CCDC93: variants seen among roughly 807,000 people sequenced by gnomAD.
CCDC93 encodes CCC complex scaffolding subunit CCDC93.
Under a neutral mutation model 108.2 loss-of-function variants are expected in CCDC93, and 61 were observed. The ratio of observed to expected loss-of-function variants is 0.56; its 90% CI spans 0.46 to 0.70. The LOEUF (loss-of-function observed/expected upper bound fraction) is 0.70. Among genes scored for constraint, CCDC93 ranks in the 30% least tolerant of loss-of-function variants. The probability of loss-of-function intolerance (pLI) is 0.00; values close to 1 mark genes in which losing one functional copy is unlikely to be tolerated. For missense variants in CCDC93, 685 were observed against 764.2 expected, an observed-to-expected ratio of 0.90 and a Z score of 1.22; for synonymous variants, 276 against 260.4, an observed-to-expected ratio of 1.06 and a Z score of -0.58.
At chr2:117,927,471 A>C (rs1558767301) in intron 23 of CCDC93, among the ~76,000 whole-genome samples, 1 of 152,094 alleles carries the variant, frequency 6.6e-6, no homozygotes, top group East Asian at 1.9e-4. Flanking sequence ...ATACACCAAT[A>C]ACAGACAGAG....
intron 19 of CCDC93, among the ~76,000 whole-genome samples, chr2:117,940,618 A>T (rs1386305649): frequency 6.6e-6 from 1 of 152,186 alleles, no homozygotes; most frequent in Non-Finnish European, 1.5e-5. Flanking sequence ...GGGGACTTGG[A>T]GGCACTGCAG....
At chr2:117,936,761 C>T (rs769937576) in intron 20 of CCDC93, 22 bp from the exon 21 acceptor site, 11 of 1,607,766 alleles carry the variant, frequency 6.8e-6, no homozygotes, top group Middle Eastern at 3.3e-4. Context: ...AAAAAACAAA[C>T]GAAATTATAA....
intron 13 of CCDC93, chr2:117,950,733 C>A (rs1679026936): frequency 2.0e-6 from 2 of 985,450 alleles, no homozygotes; most frequent in African/African-American, 1.7e-5. Context: ...AATCAAGCTT[C>A]TTCAGAAGTT....
chr2:117,931,231 T>A, intron 22 of CCDC93, 81 bp from the exon 23 acceptor site: 1 of 870,082 alleles, frequency 1.1e-6, no homozygotes, highest in Non-Finnish European at 1.9e-6. Flanking sequence ...AGGCAACAGT[T>A]GTTAACAGTT....
chr2:117,983,659 T>A (rs1382339633), intron 7 of CCDC93, among the ~76,000 whole-genome samples: 1 of 16,782 alleles, frequency 6.0e-5, no homozygotes, highest in Admixed American at 5.0e-4. Context: ...TATATATATA[T>A]ATATATATAT....
At chr2:117,930,917 CTT>C (rs2104713788) in intron 23 of CCDC93, 118 bp downstream of exon 23, 1 of 640,740 alleles carries the variant, frequency 1.6e-6, no homozygotes, top group South Asian at 2.1e-5. Flanking sequence ...CACACTCTGT[CTT>C]GTTATTTCCC....
In CCDC93 at chr2:117,952,573, A is replaced by C. The variant is rs1679091775; in HGVS notation, c.1006-138T>G. 6.1e-6 allele frequency: 4 copies of C among 658,210 alleles called. No homozygotes were observed. The Middle Eastern group carries it at 1.4e-3, about 223-fold the overall frequency. The allele number at this position is 658,210 out of a possible 1,614,324, so 40.8% of individuals were successfully genotyped here. A position where few individuals can be genotyped will look rare whatever the true frequency, so the allele number is the denominator to read the frequency against. The stretch of plus-strand genomic sequence containing the variant: ...TGAAAATTTTAAAAGGGTTGCCAAC[A>C]ACAAATGAAGAAAAAAACCTCATAT... On this transcript the variant is annotated intron_variant, in intron 12 of 23. Coordinates refer to ENST00000376300, the MANE Select transcript of CCDC93 (RefSeq NM_019044.5).
rs34197714 is a variant in CCDC93, at chr2:117,921,176, CA to C, written c.1843-781del. Reference sequence around the variant, plus strand: ...TGGGTGACAGAGCAAGGCTCTGTCTCAAAAAAAAAAAAAAAAAAAGATAACC... The same window carrying C: ...TGGGTGACAGAGCAAGGCTCTGTCTCAAAAAAAAAAAAAAAAAAGATAACC... On this transcript the variant is annotated intron_variant, in intron 23 of 23. Coordinates refer to ENST00000376300, the MANE Select transcript of CCDC93 (RefSeq NM_019044.5). Among the ~76,000 whole-genome samples the C allele has an allele frequency of 6.5e-3, 496 of 76,034 alleles. 1 individual carries two copies. The highest frequency in any genetic ancestry group is 0.02 in the African/African-American group (375 of 19,052). The allele number at this position is 76,034 out of a possible 152,430, so 49.9% of individuals were successfully genotyped here. A position where few individuals can be genotyped will look rare whatever the true frequency, so the allele number is the denominator to read the frequency against.
At position 117,977,893 on chromosome 2, in the gene CCDC93, T is replaced by C. The variant is rs1055413108; in HGVS notation, c.657+101A>G. ...AAAGGCAGCTCACACATCCCTGGGTTTCCCAAGAAGCTGCTGCCCGGCTTG... is the reference window on the plus strand; with the variant it reads ...AAAGGCAGCTCACACATCCCTGGGTCTCCCAAGAAGCTGCTGCCCGGCTTG... On this transcript the variant is annotated intron_variant, in intron 8 of 23. Transcript: ENST00000376300. 20 of 1,111,576 alleles carry C rather than the reference T, an allele frequency of 1.8e-5. No homozygotes were observed. The Admixed American group carries it at 3.4e-4, about 19-fold the overall frequency. 68.9% of individuals were successfully genotyped at this position (1,111,576 alleles called of 1,614,324 possible).
intron 4 of CCDC93, chr2:117,997,931 TGA>T (rs1289720255): frequency 6.6e-6 from 1 of 152,244 alleles, no homozygotes; most frequent in Non-Finnish European, 1.5e-5. Flanking sequence ...AGATCTACCC[TGA>T]GTTACAGCCT....
chr2:117,984,823 T>C (rs1398346697), intron 7 of CCDC93, among the ~76,000 whole-genome samples: 1 of 152,168 alleles, frequency 6.6e-6, no homozygotes, highest in Admixed American at 6.6e-5. Flanking sequence ...ACAGACTCTG[T>C]CATGATTCCC....
At chr2:118,008,931 T>C in intron 1 of CCDC93, 1 of 308,088 alleles carries the variant, frequency 3.2e-6, no homozygotes, top group Non-Finnish European at 6.0e-6. Context: ...CATCACATGC[T>C]GAAGGAATCC....
intron 11 of CCDC93, among the ~76,000 whole-genome samples, chr2:117,965,412 T>C (rs1280044905): frequency 1.3e-5 from 2 of 152,198 alleles, no homozygotes; most frequent in East Asian, 3.9e-4. Flanking sequence ...GCTGCTAAGC[T>C]TCCTGTTACT....
At chr2:117,981,212 T>C (rs955207570) in intron 7 of CCDC93, among the ~76,000 whole-genome samples, 1 of 152,210 alleles carries the variant, frequency 6.6e-6, no homozygotes, top group East Asian at 1.9e-4. Context: ...TACAGCTTCA[T>C]TCACTTCAAT....
chr2:117,966,038 A>G (rs1227629176), intron 11 of CCDC93, among the ~76,000 whole-genome samples: 2 of 152,268 alleles, frequency 1.3e-5, no homozygotes, highest in Non-Finnish European at 2.9e-5. Context: ...GACAAACGAT[A>G]TATTAACAAT....
At chr2:117,974,514 C>A (rs973799665) in intron 10 of CCDC93, among the ~76,000 whole-genome samples, 6 of 152,138 alleles carry the variant, frequency 3.9e-5, no homozygotes, top group Admixed American at 2.6e-4. Context: ...CCGCTTCCTA[C>A]CTAGATAGTG....
intron 23 of CCDC93, among the ~76,000 whole-genome samples, chr2:117,926,418 A>T (rs1377043880): frequency 2.0e-5 from 3 of 152,354 alleles, no homozygotes; most frequent in African/African-American, 7.2e-5. Flanking sequence ...TAGACGCAAT[A>T]AAAAATAATA....
intron 19 of CCDC93, among the ~76,000 whole-genome samples, chr2:117,940,400 G>A (rs1220059466): frequency 6.6e-6 from 1 of 152,182 alleles, no homozygotes; most frequent in Non-Finnish European, 1.5e-5. Flanking sequence ...AGGCTAAGAC[G>A]TCAAAGCTCA....
intron 3 of CCDC93, among the ~76,000 whole-genome samples, chr2:118,004,368 G>C (rs989880302): frequency 1.3e-5 from 2 of 152,202 alleles, no homozygotes; most frequent in African/African-American, 4.8e-5. Context: ...AGAAGTAGAG[G>C]ATAGAAGCTT....
Sources: allele counts gnomAD v4.1 joint callset (sites outside exome capture counted in the v4.1 genomes callset), GRCh38; gene constraint gnomAD v4.1.1; transcripts MANE v1.5; gene names NCBI Gene and HGNC (gene_info 2026-07-23, HGNC 2026-07-21).